Variants in HCN1 observed in about 807,000 individuals in gnomAD.
HCN1 encodes the protein potassium/sodium hyperpolarization-activated cyclic nucleotide-gated channel 1.
HCN1 carries 13 observed loss-of-function variants against 78.9 expected under a neutral mutation model. The observed-to-expected ratio is 0.16, with a 90% confidence interval of 0.11 to 0.26. The LOEUF (loss-of-function observed/expected upper bound fraction) is 0.26, where lower values mean the gene tolerates loss of function less well. HCN1 is among the 10% of genes least tolerant of loss of function. The pLI, the probability that HCN1 is intolerant of heterozygous loss-of-function variation, is 1.00. For missense variants in HCN1, 810 were observed against 1,154.3 expected (o/e 0.70, Z 4.32); for synonymous variants, 552 against 455.5 (o/e 1.21, Z -2.70).
intron 2 of HCN1, among the ~76,000 whole-genome samples, chr5:45,505,242 A>G (rs1178540729): frequency 2.0e-5 from 3 of 152,204 alleles, no homozygotes; most frequent in African/African-American, 7.2e-5. Flanking sequence ...TAGGTCTAAC[A>G]TTTAAGTCTT....
intron 2 of HCN1, among the ~76,000 whole-genome samples, chr5:45,573,117 T>G (rs889710262): frequency 1.2e-4 from 18 of 152,176 alleles, no homozygotes; most frequent in African/African-American, 4.3e-4. Flanking sequence ...TCTATGTACA[T>G]AATAGAATAT....
chr5:45,408,968 C>T (rs533985467), intron 3 of HCN1, among the ~76,000 whole-genome samples: 12 of 152,012 alleles, frequency 7.9e-5, no homozygotes, highest in Middle Eastern at 6.8e-3. Context: ...GTGTTTATGT[C>T]GGTTATCAGA....
chr5:45,551,502 C>T (rs1412390219), intron 2 of HCN1, among the ~76,000 whole-genome samples: 1 of 151,236 alleles, frequency 6.6e-6, no homozygotes, highest in Non-Finnish European at 1.5e-5. Flanking sequence ...TATATTTGAG[C>T]AATCATGGAG....
chr5:45,576,925 G>C (rs1743958093), intron 2 of HCN1, among the ~76,000 whole-genome samples: 1 of 152,046 alleles, frequency 6.6e-6, no homozygotes, highest in Admixed American at 6.6e-5. Context: ...CCCTTCCCCA[G>C]GAGGTATGCT....
intron 5 of HCN1, among the ~76,000 whole-genome samples, chr5:45,327,242 A>T (rs987071719): frequency 1.3e-5 from 2 of 151,718 alleles, no homozygotes; most frequent in African/African-American, 4.8e-5. Flanking sequence ...AACAATGTCC[A>T]GAAGTATGCT....
At chr5:45,602,363 G>A (rs1744643291) in intron 2 of HCN1, among the ~76,000 whole-genome samples, 1 of 152,074 alleles carries the variant, frequency 6.6e-6, no homozygotes, top group South Asian at 2.1e-4. Flanking sequence ...ACAAAGAGAC[G>A]TCATGGATGT....
intron 4 of HCN1, among the ~76,000 whole-genome samples, chr5:45,365,281 G>A (rs1747211291): frequency 6.6e-6 from 1 of 151,640 alleles, no homozygotes; most frequent in Admixed American, 6.6e-5. Flanking sequence ...GGCTTCTAAT[G>A]TACCCATCAC....
chr5:45,390,448 A>T (rs140203591), intron 4 of HCN1, among the ~76,000 whole-genome samples: 155 of 152,310 alleles, frequency 1.0e-3, no homozygotes, highest in East Asian at 7.5e-3. Context: ...TAAATGGAAA[A>T]TACAGCTCTA....
chr5:45,584,936 G>A (rs1169723526), intron 2 of HCN1, among the ~76,000 whole-genome samples: 6 of 152,102 alleles, frequency 3.9e-5, no homozygotes, highest in Non-Finnish European at 7.4e-5. Flanking sequence ...TGGGTAACCC[G>A]ACATTTCTCT....
chr5:45,651,777 C>G (rs184910209), intron 1 of HCN1, among the ~76,000 whole-genome samples: 2 of 151,958 alleles, frequency 1.3e-5, no homozygotes, highest in African/African-American at 4.8e-5. Context: ...GCCAGGTTTG[C>G]TACTTGGTCT....
At chr5:45,632,214 CA>C (rs1386589762) in intron 2 of HCN1, among the ~76,000 whole-genome samples, 1 of 151,882 alleles carries the variant, frequency 6.6e-6, no homozygotes, top group African/African-American at 2.4e-5. Context: ...GTTCAAGGTA[CA>C]ATGGAATTTA....
chr5:45,314,304 G>C (rs1179355160), intron 5 of HCN1, among the ~76,000 whole-genome samples: 1 of 152,010 alleles, frequency 6.6e-6, no homozygotes, highest in Non-Finnish European at 1.5e-5. Flanking sequence ...TTACAGACAA[G>C]CAAATGCTGA....
intron 2 of HCN1, among the ~76,000 whole-genome samples, chr5:45,554,599 A>T (rs1236752983): frequency 6.6e-6 from 1 of 151,704 alleles, no homozygotes; most frequent in East Asian, 2.0e-4. Context: ...AACAAAAGCT[A>T]TTCCACATTA....
At chr5:45,378,123 C>A (rs376213837) in intron 4 of HCN1, among the ~76,000 whole-genome samples, 1 of 151,976 alleles carries the variant, frequency 6.6e-6, no homozygotes, top group East Asian at 1.9e-4. Flanking sequence ...GTTAATTTTA[C>A]AGATGAGGAA....
In HCN1 at chr5:45,366,267, T is replaced by C. The variant is rs1348542492; in HGVS notation, c.1231-13021A>G. Among the ~76,000 whole-genome samples the C allele has an allele frequency of 2.0e-5, 3 of 151,634 alleles. No homozygotes were observed. In the East Asian group the frequency reaches 5.8e-4, roughly 29 times the overall value. On this transcript the variant is annotated intron_variant, in intron 4 of 7. Transcript: ENST00000303230. Reference sequence around the variant, plus strand: ...TCAATAAAAAAAGGAAATTTAATTATGTTTAACTTCCATTCCATTGGGAAG... The same window carrying C: ...TCAATAAAAAAAGGAAATTTAATTACGTTTAACTTCCATTCCATTGGGAAG...
At chr5:45,481,954 C>T (rs1179030853) in intron 2 of HCN1, among the ~76,000 whole-genome samples, 1 of 137,530 alleles carries the variant, frequency 7.3e-6, no homozygotes, top group East Asian at 2.1e-4. Context: ...AAACTGAAAT[C>T]CTAAAAGAAA....
At chr5:45,645,944 A>T (rs1194019193) in intron 1 of HCN1, among the ~76,000 whole-genome samples, 1 of 152,092 alleles carries the variant, frequency 6.6e-6, no homozygotes, top group Non-Finnish European at 1.5e-5. Flanking sequence ...ATAGACAGAA[A>T]CTAGAAAGAA....
At chr5:45,463,911 T>A (rs755410171) in intron 2 of HCN1, among the ~76,000 whole-genome samples, 40 of 152,086 alleles carry the variant, frequency 2.6e-4, no homozygotes, top group Non-Finnish European at 5.3e-4. Context: ...AGGAAGCTTA[T>A]CACATTTCAG....
intron 1 of HCN1, among the ~76,000 whole-genome samples, chr5:45,653,892 A>ACATGTATACATATGTAACTAACCTG (rs1164740899): frequency 4.6e-5 from 7 of 152,140 alleles, no homozygotes; most frequent in African/African-American, 1.7e-4. Context: ...CACATTGTGC[A>ACATGTATACATATGTAACTAACCTG]CATGTACCCT....
Sources: gnomAD v4.1 joint callset for allele counts (sites outside exome capture counted in the v4.1 genomes callset) on GRCh38, gnomAD v4.1.1 for gene constraint, MANE v1.5 for transcripts, NCBI Gene and HGNC (gene_info 2026-07-23, HGNC 2026-07-21) for gene names.